The following NUBPL variants were observed in gnomAD, a reference collection of about 807,000 sequenced individuals.
NUBPL encodes the protein NUBP iron-sulfur cluster assembly factor, mitochondrial.
NUBPL carries 31 observed loss-of-function variants against 45.7 expected under a neutral mutation model. The ratio of observed to expected loss-of-function variants is 0.68; its 90% CI spans 0.51 to 0.92. NUBPL has a LOEUF of 0.92. Among genes scored for constraint, NUBPL ranks in the 40% least tolerant of loss-of-function variants. The pLI, the probability that NUBPL is intolerant of heterozygous loss-of-function variation, is 0.00. For synonymous variants in NUBPL, 144 were observed against 140.9 expected, an observed-to-expected ratio of 1.02 and a Z score of -0.15; for missense variants, 401 against 398.7, an observed-to-expected ratio of 1.01 and a Z score of -0.05.
At chr14:31,571,600 C>A (rs531734930) in intron 3 of NUBPL, among the ~76,000 whole-genome samples, 1 of 152,076 alleles carries the variant, frequency 6.6e-6, no homozygotes, top group Admixed American at 6.6e-5. Context: ...CAGGCAAGCA[C>A]CACCATGCCT....
intron 4 of NUBPL, 89 bp from the exon 5 acceptor site, chr14:31,673,266 T>A (rs1431628818): frequency 3.4e-6 from 4 of 1,164,890 alleles, no homozygotes; most frequent in African/African-American, 3.2e-5. Flanking sequence ...ATTAAAAAAA[T>A]TTTTAAAAAG....
chr14:31,666,248 T>TCTGTAG (rs1164237585), intron 4 of NUBPL, among the ~76,000 whole-genome samples: 1 of 39,756 alleles, frequency 2.5e-5, no homozygotes, highest in South Asian at 8.7e-4. Context: ...TATATATATA[T>TCTGTAG]ATATATATAT....
chr14:31,821,845 C>T (rs1460117539), intron 7 of NUBPL, among the ~76,000 whole-genome samples: 2 of 152,160 alleles, frequency 1.3e-5, no homozygotes, highest in African/African-American at 2.4e-5. Flanking sequence ...AATGGAGTAC[C>T]ATTTAGCTTT....
At chr14:31,700,439 T>G (rs776915304) in intron 6 of NUBPL, among the ~76,000 whole-genome samples, 1 of 152,168 alleles carries the variant, frequency 6.6e-6, no homozygotes, top group Non-Finnish European at 1.5e-5. Flanking sequence ...GCGCCTACTC[T>G]GGCCATGCTT....
At chr14:31,726,297 A>G (rs1316066368) in intron 6 of NUBPL, among the ~76,000 whole-genome samples, 4 of 152,204 alleles carry the variant, frequency 2.6e-5, no homozygotes, top group African/African-American at 7.2e-5. Flanking sequence ...AAGTTCAGAG[A>G]TATTTGATAT....
intron 8 of NUBPL, among the ~76,000 whole-genome samples, chr14:31,836,061 A>G (rs1204829935): frequency 1.3e-5 from 2 of 152,232 alleles, no homozygotes; most frequent in South Asian, 2.1e-4. Context: ...GTGAAAAATA[A>G]ATTAAAATTG....
At chr14:31,634,148 A>G (rs912476181) in intron 4 of NUBPL, among the ~76,000 whole-genome samples, 1 of 151,720 alleles carries the variant, frequency 6.6e-6, no homozygotes, top group African/African-American at 2.4e-5. Context: ...CAGGTTAGTT[A>G]CATATGTATA....
At chr14:31,728,086 G>A (rs909077438) in intron 6 of NUBPL, among the ~76,000 whole-genome samples, 3 of 152,016 alleles carry the variant, frequency 2.0e-5, no homozygotes, top group African/African-American at 4.8e-5. Flanking sequence ...CTGTATAGAA[G>A]CTGTCAACTG....
At chr14:31,765,092 C>T (rs922074617) in intron 6 of NUBPL, among the ~76,000 whole-genome samples, 4 of 152,012 alleles carry the variant, frequency 2.6e-5, no homozygotes, top group Non-Finnish European at 5.9e-5. Context: ...CTATTTAACA[C>T]GGGAAAGACA....
Position 31,841,917 on chromosome 14 carries a change from C to CTTTTGTTTTTGTT in NUBPL, c.694-4550_694-4549insGTTTTTGTTTTTT. On this transcript the variant is annotated intron_variant, in intron 8 of 10. Transcript: ENST00000281081. ...CTTTCATGTATGGGTCGATTCTGGG[C>CTTTTGTTTTTGTT]TTTTTTTTTTTTTTTTTTTTTTTTT... 4.2e-3 allele frequency among the ~76,000 whole-genome samples: 179 copies of CTTTTGTTTTTGTT among 43,044 alleles called. 30 individuals carry two copies. Among genetic ancestry groups the CTTTTGTTTTTGTT allele is most frequent in the East Asian group, 0.011 (14 of 1,240 alleles). The allele number at this position is 43,044 out of a possible 152,430, so 28.2% of individuals were successfully genotyped here. A position where few individuals can be genotyped will look rare whatever the true frequency, so the allele number is the denominator to read the frequency against.
chr14:31,783,413 C>T (rs1566559754), intron 6 of NUBPL, among the ~76,000 whole-genome samples: 2 of 152,204 alleles, frequency 1.3e-5, no homozygotes, highest in East Asian at 3.9e-4. Flanking sequence ...AAGGTACTGG[C>T]CCAGGTGTTT....
chr14:31,724,852 G>C (rs1467162556), intron 6 of NUBPL, among the ~76,000 whole-genome samples: 2 of 152,122 alleles, frequency 1.3e-5, no homozygotes. Flanking sequence ...GGCAAGATAA[G>C]ACAATTGAGA....
At chr14:31,779,563 TAGTAATATCAGATTTA>T (rs2138791331) in intron 6 of NUBPL, among the ~76,000 whole-genome samples, 1 of 152,172 alleles carries the variant, frequency 6.6e-6, no homozygotes, top group Admixed American at 6.5e-5. Flanking sequence ...GATATTACAC[TAGTAATATCAGATTTA>T]AAAAGGGGAA....
At chr14:31,571,844 A>G (rs989147403) in intron 3 of NUBPL, among the ~76,000 whole-genome samples, 8 of 152,212 alleles carry the variant, frequency 5.3e-5, no homozygotes, top group African/African-American at 1.9e-4. Flanking sequence ...ATAATAGGAA[A>G]TAACTAACTT....
chr14:31,727,792 T>G (rs2037958288), intron 6 of NUBPL, among the ~76,000 whole-genome samples: 1 of 152,226 alleles, frequency 6.6e-6, no homozygotes, highest in South Asian at 2.1e-4. Flanking sequence ...AATAAATCCC[T>G]GCTTGTATTA....
chr14:31,730,640 G>T (rs1342190709), intron 6 of NUBPL, among the ~76,000 whole-genome samples: 2 of 151,364 alleles, frequency 1.3e-5, no homozygotes, highest in African/African-American at 2.4e-5. Flanking sequence ...ATTTTTTTTT[G>T]TATTTTTACT....
chr14:31,831,202 C>A (rs1483460064), intron 8 of NUBPL, among the ~76,000 whole-genome samples: 1 of 151,820 alleles, frequency 6.6e-6, no homozygotes, highest in East Asian at 1.9e-4. Context: ...CACCACCACG[C>A]CCAGCTTATT....
intron 6 of NUBPL, among the ~76,000 whole-genome samples, chr14:31,760,280 A>G (rs1443212616): frequency 6.6e-6 from 1 of 151,492 alleles, no homozygotes; most frequent in Non-Finnish European, 1.5e-5. Context: ...TAGCCTCCTG[A>G]GTAGCTGGGG....
At chr14:31,700,456 C>T (rs1566509038) in intron 6 of NUBPL, among the ~76,000 whole-genome samples, 1 of 152,166 alleles carries the variant, frequency 6.6e-6, no homozygotes, top group Non-Finnish European at 1.5e-5. Flanking sequence ...GCTTGAGGAG[C>T]CCTTCAGCCC....
Sources: allele counts gnomAD v4.1 joint callset (sites outside exome capture counted in the v4.1 genomes callset), GRCh38; gene constraint gnomAD v4.1.1; transcripts MANE v1.5; gene names NCBI Gene and HGNC (gene_info 2026-07-23, HGNC 2026-07-21).